UPP2: variants seen among roughly 807,000 people sequenced by gnomAD.
UPP2 encodes the protein uridine phosphorylase 2, also known as UPase 2.
In UPP2, 23 loss-of-function variants were observed where a neutral mutation model predicts 26.7. That is an observed-to-expected ratio of 0.86 (90% CI 0.62 to 1.22). The LOEUF (loss-of-function observed/expected upper bound fraction) is 1.22, where lower values mean the gene tolerates loss of function less well. Ranked by LOEUF, UPP2 falls within the 50% of genes most tolerant of loss-of-function variation. UPP2 has a pLI of 0.00. For synonymous variants in UPP2, 127 were observed against 141.3 expected (o/e 0.90, Z 0.72); for missense variants, 387 against 396.7 (o/e 0.98, Z 0.21).
At chr2:158,108,677 C>A (rs1042604218) in intron 2 of UPP2, among the ~76,000 whole-genome samples, 1 of 152,056 alleles carries the variant, frequency 6.6e-6, no homozygotes, top group South Asian at 2.1e-4. Context: ...CAGACCTTCA[C>A]GTCTGCCTGT....
chr2:158,074,077 C>G (rs910245284), intron 3 of UPP2, among the ~76,000 whole-genome samples: 1 of 152,064 alleles, frequency 6.6e-6, no homozygotes, highest in Non-Finnish European at 1.5e-5. Flanking sequence ...ACTTGGGAAG[C>G]TGAGGAGGGA....
intron 3 of UPP2, among the ~76,000 whole-genome samples, chr2:158,095,638 T>C (rs998720456): frequency 2.6e-5 from 4 of 152,184 alleles, no homozygotes; most frequent in Non-Finnish European, 5.9e-5. Context: ...TAGGCTTCCA[T>C]TTCCTCATCT....
intron 2 of UPP2, among the ~76,000 whole-genome samples, chr2:157,997,754 G>A (rs948132326): frequency 6.6e-6 from 1 of 152,146 alleles, no homozygotes; most frequent in Non-Finnish European, 1.5e-5. Flanking sequence ...GGTGTGTGAT[G>A]AGGCATTTAG....
At chr2:158,038,815 G>A (rs1684041768) in intron 3 of UPP2, among the ~76,000 whole-genome samples, 1 of 152,202 alleles carries the variant, frequency 6.6e-6, no homozygotes, top group Non-Finnish European at 1.5e-5. Flanking sequence ...AGAAAGGGTT[G>A]TATGTGCCTG....
At chr2:158,010,861 G>A (rs147339703) in intron 2 of UPP2, among the ~76,000 whole-genome samples, 2,844 of 151,410 alleles carry the variant, frequency 0.019, 97 homozygotes, top group African/African-American at 0.065. Context: ...TGCCTCCTGG[G>A]TTCAAGTGAT....
chr2:158,132,746 A>G (rs891821332), intron 6 of UPP2, among the ~76,000 whole-genome samples: 1 of 152,192 alleles, frequency 6.6e-6, no homozygotes, highest in African/African-American at 2.4e-5. Context: ...AGACATACAA[A>G]AGGCCAACAG....
chr2:158,042,923 G>T (rs1684101039), intron 3 of UPP2, among the ~76,000 whole-genome samples: 1 of 152,182 alleles, frequency 6.6e-6, no homozygotes. Flanking sequence ...GCCTTTTCCT[G>T]CCAGGCCTGG....
At chr2:158,038,331 A>G (rs1238614555) in intron 3 of UPP2, among the ~76,000 whole-genome samples, 2 of 152,244 alleles carry the variant, frequency 1.3e-5, no homozygotes, top group African/African-American at 4.8e-5. Context: ...ATTTGTTAAA[A>G]GTGTTGTGTC....
At chr2:158,003,724 A>AT (rs1157330351) in intron 2 of UPP2, among the ~76,000 whole-genome samples, 4 of 151,552 alleles carry the variant, frequency 2.6e-5, no homozygotes, top group Non-Finnish European at 5.9e-5. Context: ...TAAAAAAAAA[A>AT]AAAAAAGAGA....
chr2:158,072,874 C>T (rs1430203603), intron 3 of UPP2, among the ~76,000 whole-genome samples: 1 of 152,128 alleles, frequency 6.6e-6, no homozygotes, highest in African/African-American at 2.4e-5. Context: ...CACAAACAAG[C>T]CCAGACTGTG....
intron 6 of UPP2, among the ~76,000 whole-genome samples, chr2:158,129,509 G>C (rs769344562): frequency 6.6e-6 from 1 of 151,984 alleles, no homozygotes; most frequent in Non-Finnish European, 1.5e-5. Flanking sequence ...TAATTGACCT[G>C]CCTGAGGAAA....
At chr2:158,078,624 G>T (rs1049623570) in intron 3 of UPP2, among the ~76,000 whole-genome samples, 1 of 152,114 alleles carries the variant, frequency 6.6e-6, no homozygotes, top group Non-Finnish European at 1.5e-5. Context: ...GGTTACCAGA[G>T]GCTGGGAAGA....
intron 3 of UPP2, among the ~76,000 whole-genome samples, chr2:158,085,184 TTTTCC>T (rs2105197811): frequency 6.6e-6 from 1 of 152,260 alleles, no homozygotes; most frequent in Non-Finnish European, 1.5e-5. Context: ...TGTTTTGCAG[TTTTCC>T]TTGTAGAGGT....
intron 3 of UPP2, among the ~76,000 whole-genome samples, chr2:158,061,663 T>G (rs1682354211): frequency 6.6e-6 from 1 of 152,194 alleles, no homozygotes; most frequent in Non-Finnish European, 1.5e-5. Context: ...CACTGTCTCT[T>G]CCATTTAAAC....
chr2:158,043,731 G>A (rs1158804935), intron 3 of UPP2, among the ~76,000 whole-genome samples: 1 of 152,164 alleles, frequency 6.6e-6, no homozygotes, highest in Non-Finnish European at 1.5e-5. Context: ...TGCCAGCATA[G>A]TTACGACCAT....
intron 3 of UPP2, among the ~76,000 whole-genome samples, chr2:158,074,350 T>C (rs1352894513): frequency 1.3e-5 from 2 of 152,072 alleles, no homozygotes; most frequent in South Asian, 2.1e-4. Flanking sequence ...TGAAAAATAA[T>C]AGCTATAACA....
chr2:158,059,620 G>A (rs968324782), intron 3 of UPP2, among the ~76,000 whole-genome samples: 9 of 152,220 alleles, frequency 5.9e-5, no homozygotes, highest in African/African-American at 2.2e-4. Flanking sequence ...AAGGGTAAAA[G>A]TGATTTGTCT....
upstream of UPP2, among the ~76,000 whole-genome samples, chr2:158,097,619 G>C (rs1001840230): frequency 6.6e-6 from 1 of 152,192 alleles, no homozygotes; most frequent in East Asian, 1.9e-4. Context: ...TCCTTTGCAA[G>C]GATTAGGGGA....
intron 2 of UPP2, among the ~76,000 whole-genome samples, chr2:158,000,126 C>T (rs190690155): frequency 2.0e-5 from 3 of 151,704 alleles, no homozygotes; most frequent in South Asian, 2.1e-4. Context: ...TGCAATGGCG[C>T]GATCTCGGCT....
Sources: allele counts gnomAD v4.1 joint callset (sites outside exome capture counted in the v4.1 genomes callset), GRCh38; gene constraint gnomAD v4.1.1; transcripts MANE v1.5; gene names NCBI Gene and HGNC (gene_info 2026-07-23, HGNC 2026-07-21).